The following LRP1B variants were observed in gnomAD, a reference collection of about 807,000 sequenced individuals.
LRP1B encodes LDL receptor related protein 1B.
Under a neutral mutation model 556.6 loss-of-function variants are expected in LRP1B, and 217 were observed. The ratio of observed to expected loss-of-function variants is 0.39; its 90% CI spans 0.35 to 0.44. The LOEUF (loss-of-function observed/expected upper bound fraction) is 0.44, where lower values mean the gene tolerates loss of function less well. Ranked by LOEUF, LRP1B falls within the 20% of genes least tolerant of loss-of-function variation. The pLI is 1.00. For synonymous variants in LRP1B, 2,047 were observed against 1,865.8 expected, an observed-to-expected ratio of 1.10 and a Z score of -2.50; for missense variants, 5,053 against 5,620.8, an observed-to-expected ratio of 0.90 and a Z score of 3.23.
chr2:141,348,230 G>T (rs898594268), intron 3 of LRP1B, among the ~76,000 whole-genome samples: 1 of 151,938 alleles, frequency 6.6e-6, no homozygotes, highest in South Asian at 2.1e-4. Context: ...TGTAAGATTT[G>T]AAAAAGCAAC....
intron 3 of LRP1B, among the ~76,000 whole-genome samples, chr2:141,472,337 G>A (rs368782428): frequency 2.0e-5 from 3 of 152,150 alleles, no homozygotes; most frequent in African/African-American, 7.2e-5. Flanking sequence ...CCTGAGGTCA[G>A]GAGTTCGAGA....
chr2:140,506,655 G>T, intron 53 of LRP1B, 141 bp downstream of exon 53: 2 of 763,982 alleles, frequency 2.6e-6, no homozygotes, highest in Non-Finnish European at 4.3e-6. Context: ...TATATGTGCT[G>T]TGATTGTGTA....
intron 2 of LRP1B, among the ~76,000 whole-genome samples, chr2:141,544,384 C>CTTCTTCTTCTTCTT (rs1559131566): frequency 7.3e-5 from 3 of 40,836 alleles, no homozygotes; most frequent in Admixed American, 3.2e-4. Context: ...TTCTTCTTCT[C>CTTCTTCTTCTTCTT]CTCCTCCTCC....
intron 2 of LRP1B, among the ~76,000 whole-genome samples, chr2:141,743,486 C>CTTTTTT (rs765968445): frequency 3.1e-4 from 33 of 108,016 alleles, no homozygotes; most frequent in East Asian, 5.5e-4. Context: ...CTGCTTTTTT[C>CTTTTTT]TTTTTTTTTT....
intron 25 of LRP1B, among the ~76,000 whole-genome samples, chr2:140,878,958 C>A (rs999518276): frequency 2.1e-4 from 31 of 144,560 alleles, no homozygotes; most frequent in African/African-American, 8.0e-4. Flanking sequence ...CACTGTACTG[C>A]AGCCTGGGTG....
At chr2:141,937,689 G>A (rs1418880919) in intron 1 of LRP1B, among the ~76,000 whole-genome samples, 2 of 151,616 alleles carry the variant, frequency 1.3e-5, no homozygotes, top group African/African-American at 2.4e-5. Flanking sequence ...GATACTTTTA[G>A]TTTGATGTAG....
chr2:141,239,592 T>C (rs767861709), intron 5 of LRP1B, among the ~76,000 whole-genome samples: 15 of 152,106 alleles, frequency 9.9e-5, no homozygotes, highest in African/African-American at 1.7e-4. Flanking sequence ...AGGATCTGTA[T>C]ATATTTGCAG....
chr2:140,977,727 C>A (rs1295567509), intron 18 of LRP1B, among the ~76,000 whole-genome samples: 5 of 152,112 alleles, frequency 3.3e-5, no homozygotes, highest in Non-Finnish European at 7.3e-5. Context: ...TGGGGCCCAG[C>A]ACTCTGTTTT....
chr2:141,115,648 T>C (rs1574088456), intron 7 of LRP1B, among the ~76,000 whole-genome samples: 2 of 121,902 alleles, frequency 1.6e-5, no homozygotes, highest in African/African-American at 5.6e-5. Context: ...TGTGTGTGTG[T>C]GTGTGTGTGT....
intron 6 of LRP1B, among the ~76,000 whole-genome samples, chr2:141,213,950 G>T (rs1284834093): frequency 2.0e-5 from 3 of 151,456 alleles, no homozygotes; most frequent in Non-Finnish European, 2.9e-5. Context: ...TCATCTCTAG[G>T]TTACTTATAC....
chr2:141,586,043 T>C (rs1264380160), intron 2 of LRP1B, among the ~76,000 whole-genome samples: 1 of 152,170 alleles, frequency 6.6e-6, no homozygotes, highest in Non-Finnish European at 1.5e-5. Context: ...AAAATGGGCT[T>C]TGATGCAACA....
chr2:142,120,323 G>A lies in LRP1B; in HGVS notation c.82+10325C>T, dbSNP rs533020133. Among the ~76,000 whole-genome samples the A allele has an allele frequency of 9.9e-5, 15 of 152,252 alleles. No homozygotes were observed. In the East Asian group the frequency reaches 2.7e-3, roughly 27 times the overall value. On this transcript the variant is annotated intron_variant, in intron 1 of 90. Coordinates refer to ENST00000389484, the MANE Select transcript of LRP1B (RefSeq NM_018557.3). ...GACAGGGTTTCACCATGTTGGCCAG[G>A]TTGGTCTCAAACTCCTGCCTTCAGG... is the stretch of plus-strand genomic sequence containing the variant.
intron 3 of LRP1B, among the ~76,000 whole-genome samples, chr2:141,468,691 G>A (rs946951410): frequency 3.2e-4 from 44 of 139,486 alleles, no homozygotes; most frequent in Middle Eastern, 3.5e-3. Context: ...TAGAGCTACT[G>A]CTCTGAGAAT....
chr2:141,854,979 A>G (rs953487518), intron 1 of LRP1B, among the ~76,000 whole-genome samples: 4 of 152,122 alleles, frequency 2.6e-5, no homozygotes, highest in Non-Finnish European at 5.9e-5. Context: ...AGCATGAAGT[A>G]TGTAGTAAGT....
chr2:141,016,896 T>G (rs202236424), intron 12 of LRP1B, among the ~76,000 whole-genome samples: 1 of 152,118 alleles, frequency 6.6e-6, no homozygotes, highest in East Asian at 1.9e-4. Flanking sequence ...AATTTCTAAG[T>G]GCATTTGGAA....
chr2:141,448,561 C>T (rs7586662), intron 3 of LRP1B, among the ~76,000 whole-genome samples: 33,761 of 150,994 alleles, frequency 0.22, 4,115 homozygotes, highest in South Asian at 0.37. Context: ...CTGTGGGTTG[C>T]GAAGACCATG....
intron 35 of LRP1B, among the ~76,000 whole-genome samples, chr2:140,766,305 A>G (rs1458496946): frequency 1.3e-5 from 2 of 151,294 alleles, no homozygotes; most frequent in African/African-American, 4.9e-5. Flanking sequence ...CTCTCTCTCT[A>G]ATTTCCCTCC....
intron 79 of LRP1B, among the ~76,000 whole-genome samples, chr2:140,328,768 T>C (rs991833521): frequency 2.0e-5 from 3 of 152,016 alleles, no homozygotes; most frequent in Non-Finnish European, 4.4e-5. Context: ...AGAAACTACA[T>C]TAAAGTCATG....
chr2:141,642,003 ACAAAACC>A (rs1558774468), intron 2 of LRP1B, among the ~76,000 whole-genome samples: 18 of 140,192 alleles, frequency 1.3e-4, no homozygotes, highest in Admixed American at 1.0e-3. Flanking sequence ...AAACAAACAA[ACAAAACC>A]CCCCCCCAAA....
Sources: gnomAD v4.1 joint callset for allele counts (sites outside exome capture counted in the v4.1 genomes callset) on GRCh38, gnomAD v4.1.1 for gene constraint, MANE v1.5 for transcripts, NCBI Gene and HGNC (gene_info 2026-07-23, HGNC 2026-07-21) for gene names.